AGBL4: variants seen among roughly 807,000 people sequenced by gnomAD.
AGBL4 encodes cytosolic carboxypeptidase 6.
A neutral mutation model predicts 66.4 loss-of-function variants in AGBL4; 58 were observed. The ratio of observed to expected loss-of-function variants is 0.87; its 90% CI spans 0.71 to 1.09. The LOEUF (loss-of-function observed/expected upper bound fraction) is 1.09, where lower values mean the gene tolerates loss of function less well. AGBL4 is among the 50% of genes least tolerant of loss of function. The pLI is 0.00. For synonymous variants in AGBL4, 234 were observed against 222.9 expected, an observed-to-expected ratio of 1.05 and a Z score of -0.44; for missense variants, 579 against 631.0, an observed-to-expected ratio of 0.92 and a Z score of 0.88.
At chr1:49,748,082 T>A (rs373910606) in intron 2 of AGBL4, among the ~76,000 whole-genome samples, 3 of 152,236 alleles carry the variant, frequency 2.0e-5, no homozygotes, top group African/African-American at 7.2e-5. Context: ...TACATAGGTA[T>A]ACATGTCCCA....
intron 2 of AGBL4, among the ~76,000 whole-genome samples, chr1:49,848,521 A>T (rs982745247): frequency 3.3e-5 from 5 of 152,206 alleles, no homozygotes; most frequent in Non-Finnish European, 2.9e-5. Flanking sequence ...AGCAACATGG[A>T]TGGAACTGGA....
intron 2 of AGBL4, chr1:49,845,867 C>A: frequency 7.0e-7 from 1 of 1,419,150 alleles, no homozygotes; most frequent in East Asian, 2.3e-5. Context: ...TTCCTTCTGG[C>A]AGAGCACAAA....
intron 3 of AGBL4, among the ~76,000 whole-genome samples, chr1:49,488,761 A>C (rs1189591221): frequency 6.6e-6 from 1 of 151,554 alleles, no homozygotes; most frequent in Non-Finnish European, 1.5e-5. Context: ...AAATTGTTTT[A>C]ATTTTTAGCT....
At chr1:49,569,276 T>C (rs571565247) in intron 3 of AGBL4, among the ~76,000 whole-genome samples, 1 of 152,144 alleles carries the variant, frequency 6.6e-6, no homozygotes, top group Admixed American at 6.5e-5. Flanking sequence ...GTGGGTACCA[T>C]AAAACCTAGA....
chr1:48,753,208 C>A (rs1652028770), intron 6 of AGBL4, among the ~76,000 whole-genome samples: 1 of 152,222 alleles, frequency 6.6e-6, no homozygotes, highest in Admixed American at 6.5e-5. Context: ...GACCTCAGAG[C>A]CCATTAGGGC....
At chr1:49,458,721 T>G (rs1438762772) in intron 3 of AGBL4, among the ~76,000 whole-genome samples, 2 of 151,756 alleles carry the variant, frequency 1.3e-5, no homozygotes, top group East Asian at 3.9e-4. Flanking sequence ...CCTTAAGGTA[T>G]GTCCTTTCTA....
At chr1:48,694,784 C>T (rs1323320805) in intron 6 of AGBL4, among the ~76,000 whole-genome samples, 1 of 152,136 alleles carries the variant, frequency 6.6e-6, no homozygotes, top group African/African-American at 2.4e-5. Context: ...TGAAACTTTC[C>T]TGACTCTCCT....
At chr1:48,782,124 G>T (rs1229550929) in intron 6 of AGBL4, among the ~76,000 whole-genome samples, 1 of 152,204 alleles carries the variant, frequency 6.6e-6, no homozygotes, top group Non-Finnish European at 1.5e-5. Flanking sequence ...AACATTGTGG[G>T]GAAGGATTGG....
intron 6 of AGBL4, among the ~76,000 whole-genome samples, chr1:48,674,287 C>T (rs1047714491): frequency 1.3e-5 from 2 of 152,188 alleles, no homozygotes; most frequent in Non-Finnish European, 2.9e-5. Context: ...TAAAATACAG[C>T]TATCGGTTAT....
intron 5 of AGBL4, among the ~76,000 whole-genome samples, chr1:48,905,098 G>C (rs1045275849): frequency 6.6e-6 from 1 of 152,160 alleles, no homozygotes; most frequent in African/African-American, 2.4e-5. Context: ...ATGAGCCTGG[G>C]TAACTAACGA....
intron 2 of AGBL4, among the ~76,000 whole-genome samples, chr1:49,837,689 C>T (rs1645887638): frequency 6.6e-6 from 1 of 152,024 alleles, no homozygotes; most frequent in Non-Finnish European, 1.5e-5. Context: ...ACTAAAAATA[C>T]AAAAAATTAG....
At chr1:49,746,306 T>G (rs1000030718) in intron 2 of AGBL4, among the ~76,000 whole-genome samples, 2 of 152,050 alleles carry the variant, frequency 1.3e-5, no homozygotes, top group Admixed American at 1.3e-4. Context: ...ATTTTACTAC[T>G]GCTTCCACAT....
chr1:49,605,608 T>C (rs1366249131), intron 3 of AGBL4, among the ~76,000 whole-genome samples: 2 of 152,328 alleles, frequency 1.3e-5, no homozygotes, highest in East Asian at 3.9e-4. Flanking sequence ...TGCAGCTAAA[T>C]TTCAGTTAAC....
At chr1:48,990,981 C>G (rs957853915) in intron 5 of AGBL4, among the ~76,000 whole-genome samples, 1 of 151,978 alleles carries the variant, frequency 6.6e-6, no homozygotes, top group Non-Finnish European at 1.5e-5. Flanking sequence ...AGTCTTTGTA[C>G]TTAAGATATG....
chr1:49,589,533 T>C (rs1050347968), intron 3 of AGBL4, among the ~76,000 whole-genome samples: 1 of 151,956 alleles, frequency 6.6e-6, no homozygotes, highest in African/African-American at 2.4e-5. Context: ...TTGGCATTTG[T>C]AGGGAAAGCA....
intron 3 of AGBL4, among the ~76,000 whole-genome samples, chr1:49,270,658 C>G (rs1644037349): frequency 6.6e-6 from 1 of 152,044 alleles, no homozygotes; most frequent in African/African-American, 2.4e-5. Context: ...TTAGGATTGC[C>G]TCTTCTATTC....
At chr1:49,768,094 T>C (rs1374793600) in intron 2 of AGBL4, among the ~76,000 whole-genome samples, 1 of 151,978 alleles carries the variant, frequency 6.6e-6, no homozygotes, top group East Asian at 1.9e-4. Flanking sequence ...TTACCAGATG[T>C]CCAAAGAAGA....
intron 4 of AGBL4, among the ~76,000 whole-genome samples, chr1:49,237,512 TTA>T (rs71056690): frequency 1.7e-3 from 4 of 2,296 alleles, no homozygotes; most frequent in African/African-American, 2.7e-3. Flanking sequence ...CAATATTACA[TTA>T]TATATATATA....
intron 3 of AGBL4, among the ~76,000 whole-genome samples, chr1:49,363,047 C>T (rs1644174297): frequency 6.6e-6 from 1 of 151,864 alleles, no homozygotes; most frequent in South Asian, 2.1e-4. Flanking sequence ...TGGATGGAGA[C>T]AGAGATGGAG....
Sources: gnomAD v4.1 joint callset for allele counts (sites outside exome capture counted in the v4.1 genomes callset) on GRCh38, gnomAD v4.1.1 for gene constraint, MANE v1.5 for transcripts, NCBI Gene and HGNC (gene_info 2026-07-23, HGNC 2026-07-21) for gene names.